Variants in MPDZ observed in about 807,000 individuals in gnomAD.
MPDZ encodes the protein multiple PDZ domain crumbs cell polarity complex component.
In MPDZ, 234 loss-of-function variants were observed where a neutral mutation model predicts 239.1. The ratio of observed to expected loss-of-function variants is 0.98; its 90% confidence interval spans 0.88 to 1.09. The LOEUF is 1.09. Ranked by LOEUF, MPDZ falls within the 50% of genes least tolerant of loss-of-function variation. MPDZ has a pLI of 0.00. For synonymous variants in MPDZ, 1,048 were observed against 881.3 expected, an observed-to-expected ratio of 1.19 and a Z score of -3.35; for missense variants, 3,175 against 2,510.0, an observed-to-expected ratio of 1.26 and a Z score of -5.66.
chr9:13,278,597 G>T (rs563515228), intron 1 of MPDZ, among the ~76,000 whole-genome samples: 98 of 152,320 alleles, frequency 6.4e-4, no homozygotes, highest in Non-Finnish European at 1.2e-3. Context: ...CGCTTCCCTG[G>T]TAACATCCGG....
chr9:13,160,966 C>T (rs1208877518), intron 23 of MPDZ, among the ~76,000 whole-genome samples: 3 of 147,818 alleles, frequency 2.0e-5, no homozygotes, highest in East Asian at 2.0e-4. Flanking sequence ...AGGTTATGTG[C>T]GAATACTACA....
At position 13,217,247 on chromosome 9, in the gene MPDZ, T is replaced by C; in HGVS notation, c.1134A>G (p.Val378=). The C allele has an allele frequency of 1.2e-6, 2 of 1,604,532 alleles. No homozygotes were observed. The highest frequency in any genetic ancestry group is 1.7e-6 in the Non-Finnish European group (2 of 1,175,000). Residue 378 remains valine (V), a synonymous_variant, in exon 9 of 47, where the codon GTA becomes GTG. Transcript: ENST00000319217. The part of the protein sequence containing the change: ...QKGEESETFD[V]ELTKNVQGLG... The stretch of plus-strand genomic sequence containing the variant: ...ATCCTTGGACATTTTTAGTGAGTTC[T>C]ACATCAAATGTCTCACTTTCTTCAC...
At chr9:13,256,581 A>T (rs977837419) in intron 1 of MPDZ, among the ~76,000 whole-genome samples, 1 of 152,192 alleles carries the variant, frequency 6.6e-6, no homozygotes, top group Non-Finnish European at 1.5e-5. Flanking sequence ...GTCAGGGAAT[A>T]GAGAGGCCTC....
At chr9:13,208,092 A>G (rs1212201900) in intron 10 of MPDZ, among the ~76,000 whole-genome samples, 1 of 152,222 alleles carries the variant, frequency 6.6e-6, no homozygotes, top group Non-Finnish European at 1.5e-5. Flanking sequence ...TGGATTTTAT[A>G]ATCTAAATCT....
intron 15 of MPDZ, among the ~76,000 whole-genome samples, 188 bp downstream of exon 15, chr9:13,191,943 G>T (rs1954984324): frequency 6.6e-6 from 1 of 152,100 alleles, no homozygotes; most frequent in Non-Finnish European, 1.5e-5. Context: ...GAAGTGATTT[G>T]CCCAATTTCC....
rs141840342 is a variant in MPDZ, at chr9:13,230,230, A to T, written c.184-5647T>A. 4.8e-3 allele frequency among the ~76,000 whole-genome samples: 732 copies of T among 152,284 alleles called. 4 individuals are homozygous for T. The highest frequency in any genetic ancestry group is 0.016 in the African/African-American group (649 of 41,574). The stretch of plus-strand genomic sequence containing the variant: ...AAATGTAAAATGGTACACCCCACTG[A>T]AAAATAGTTTCGCAGTTTCTAAAAA... On this transcript the variant is annotated intron_variant, in intron 3 of 46. Coordinates refer to ENST00000319217, the MANE Select transcript of MPDZ (RefSeq NM_001378778.1).
At chr9:13,122,014 G>A (rs1448172369) in intron 37 of MPDZ, 73 bp downstream of exon 37, 10 of 1,598,986 alleles carry the variant, frequency 6.3e-6, no homozygotes, top group Non-Finnish European at 6.9e-6. Context: ...AGAGAAAGAA[G>A]CAAAGAAAGA....
chr9:13,232,167 T>G (rs1045973402), intron 3 of MPDZ, among the ~76,000 whole-genome samples: 1 of 152,188 alleles, frequency 6.6e-6, no homozygotes, highest in Admixed American at 6.5e-5. Context: ...CACATAATTG[T>G]GTGTACTGAA....
In MPDZ at chr9:13,142,965, G is replaced by A. The variant is rs1947929235; in HGVS notation, c.3840+501C>T. 2.6e-5 allele frequency among the ~76,000 whole-genome samples: 4 copies of A among 152,052 alleles called. 1 individual carries two copies. Among genetic ancestry groups the A allele is most frequent in the South Asian group, 4.1e-4 (2 of 4,824 alleles). On this transcript the variant is annotated intron_variant, in intron 27 of 46. Transcript: ENST00000319217. ...GATTTACGAGCATTGAAACAGTTAC[G>A]TTTCCTGATTCAGGCAATTACATGG...
chr9:13,109,866 A>G (rs1017765624), intron 45 of MPDZ, 86 bp downstream of exon 45: 2 of 1,032,994 alleles, frequency 1.9e-6, no homozygotes, highest in African/African-American at 1.6e-5. Context: ...CGTAATTCCT[A>G]GAAACATGGG....
chr9:13,133,977 C>A, intron 31 of MPDZ, 73 bp from the exon 32 acceptor site: 1 of 648,622 alleles, frequency 1.5e-6, no homozygotes, highest in Non-Finnish European at 2.3e-6. Context: ...ATATAAAGGC[C>A]ACTTATTCAA....
rs1427365046 is a variant in MPDZ at position 13,247,620 on chromosome 9, T to TG, written c.183+14dup. 3.7e-6 allele frequency: 6 copies of TG among 1,600,474 alleles called. No homozygotes were observed. Among genetic ancestry groups the TG allele is most frequent in the Non-Finnish European group, 5.1e-6 (6 of 1,169,784 alleles). Reference sequence around the variant, plus strand: ...GCCATGTCGTGAATGCCTGCTTGGGTGAATGATGTCCTACCTGGTCTTTCA... The same window carrying TG: ...GCCATGTCGTGAATGCCTGCTTGGGTGGAATGATGTCCTACCTGGTCTTTCA... On this transcript the variant is annotated intron_variant, in intron 3 of 46. Coordinates refer to ENST00000319217, the MANE Select transcript of MPDZ (RefSeq NM_001378778.1).
chr9:13,149,961 A>G (rs1587270440), intron 25 of MPDZ, among the ~76,000 whole-genome samples: 1 of 151,988 alleles, frequency 6.6e-6, no homozygotes, highest in East Asian at 1.9e-4. Flanking sequence ...ATATTTTACT[A>G]AAAAAGACTC....
intron 46 of MPDZ, 76 bp from the exon 47 acceptor site, chr9:13,107,187 C>T (rs2130919858): frequency 3.4e-6 from 5 of 1,451,948 alleles, no homozygotes; most frequent in Non-Finnish European, 4.6e-6. Flanking sequence ...AAGATCTCAA[C>T]AGGAATGTAA....
At chr9:13,158,683 T>A (rs751627241) in intron 23 of MPDZ, among the ~76,000 whole-genome samples, 2 of 152,298 alleles carry the variant, frequency 1.3e-5, no homozygotes, top group Middle Eastern at 3.4e-3. Flanking sequence ...TACTTCTTAA[T>A]GGAAGAAGCA....
Position 13,165,430 on chromosome 9 carries a change from G to A in MPDZ, c.3255-2635C>T, listed in dbSNP as rs139220232. 274 of 1,547,956 alleles carry A rather than the reference G, an allele frequency of 1.8e-4. No homozygotes were observed. In the African/African-American group the frequency reaches 3.1e-3, roughly 17 times the overall value. ...AAATCTAGAATGTGAAGCATACGCC[G>A]CGGCATCTTTTTACAATGGTGTTAA... On this transcript the variant is annotated intron_variant, in intron 22 of 46. Transcript: ENST00000319217.
At chr9:13,214,975 G>A (rs1328654082) in intron 10 of MPDZ, among the ~76,000 whole-genome samples, 7 of 151,786 alleles carry the variant, frequency 4.6e-5, no homozygotes, top group South Asian at 2.1e-4. Flanking sequence ...TTTTAAAATC[G>A]TGGTAGAAAA....
intron 19 of MPDZ, among the ~76,000 whole-genome samples, chr9:13,181,041 C>G (rs922176213): frequency 6.6e-6 from 1 of 152,028 alleles, no homozygotes; most frequent in East Asian, 1.9e-4. Context: ...GTATACCTGA[C>G]GAAGGCCAAA....
At chr9:13,237,441 CAAAAAAAAAAAA>C (rs71331532) in intron 3 of MPDZ, among the ~76,000 whole-genome samples, 10 of 54,694 alleles carry the variant, frequency 1.8e-4, no homozygotes, top group African/African-American at 6.3e-4. Flanking sequence ...GACACTGTCT[CAAAAAAAAAAAA>C]AAAAAAAAAA....
Sources: gnomAD v4.1 joint callset for allele counts (sites outside exome capture counted in the v4.1 genomes callset) on GRCh38, gnomAD v4.1.1 for gene constraint, MANE v1.5 for transcripts, NCBI Gene and HGNC (gene_info 2026-07-23, HGNC 2026-07-21) for gene names.